Variants in SLC25A40 observed in about 807,000 individuals in gnomAD.
SLC25A40 encodes solute carrier family 25 member 40.
A neutral mutation model predicts 46.5 loss-of-function variants in SLC25A40; 41 were observed. The observed-to-expected ratio is 0.88, with a 90% CI of 0.69 to 1.14. The LOEUF (loss-of-function observed/expected upper bound fraction) is 1.14, where lower values mean the gene tolerates loss of function less well. SLC25A40 is among the 50% of genes most tolerant of loss of function. The pLI is 0.00. For missense variants in SLC25A40, 386 were observed against 393.6 expected (o/e 0.98, Z 0.16); for synonymous variants, 126 against 127.5 (o/e 0.99, Z 0.08).
intron 9 of SLC25A40, chr7:87,841,957 T>G: frequency 2.7e-6 from 1 of 368,456 alleles, no homozygotes; most frequent in Non-Finnish European, 5.2e-6. Flanking sequence ...CAGCTACTAG[T>G]TGCAGAGCCA....
intron 1 of SLC25A40, among the ~76,000 whole-genome samples, chr7:87,873,430 T>C (rs1838924608): frequency 1.1e-5 from 1 of 92,890 alleles, no homozygotes. Flanking sequence ...AAAGGTTAAC[T>C]TTTTTTTTTT....
At chr7:87,846,900 G>T in intron 8 of SLC25A40, 49 bp downstream of exon 8, 2 of 1,446,544 alleles carry the variant, frequency 1.4e-6, no homozygotes, top group South Asian at 2.9e-5. Context: ...ATATTTGAAT[G>T]AGACAAAGCC....
intron 4 of SLC25A40, among the ~76,000 whole-genome samples, chr7:87,854,555 G>A (rs1056927433): frequency 6.6e-6 from 1 of 152,204 alleles, no homozygotes; most frequent in African/African-American, 2.4e-5. Context: ...TTAGGCCGGT[G>A]TAATCCCAGC....
chr7:87,843,760 A>G lies in SLC25A40; in HGVS notation c.735T>C (p.Ser245=), dbSNP rs1166998658. ...AACAAAAGAATAAACTTACAGAACCAGACAATGCCCCTGAAGTAAAGTTGA... is the reference window on the plus strand; with the variant it reads ...AACAAAAGAATAAACTTACAGAACCGGACAATGCCCCTGAAGTAAAGTTGA... ...FMINFTSGAL[S]GSFAAVATLP... is the part of the protein sequence containing the mutation. Residue 245 remains serine, a synonymous_variant, in exon 9 of 12, where the codon TCT becomes TCC. Transcript: ENST00000341119. 6.2e-7 allele frequency: 1 copy of G among 1,602,854 alleles called. No individual in the cohort carries two copies. The highest frequency in any genetic ancestry group is 8.5e-7 in the Non-Finnish European group (1 of 1,171,866).
chr7:87,847,212 T>C (rs1838435292), intron 7 of SLC25A40, 90 bp from the exon 8 acceptor site: 1 of 1,032,010 alleles, frequency 9.7e-7, no homozygotes, highest in Admixed American at 3.0e-5. Context: ...TTCACAGATT[T>C]TATATTTTAA....
chr7:87,855,950 G>A (rs1838607556), intron 4 of SLC25A40, among the ~76,000 whole-genome samples: 1 of 152,140 alleles, frequency 6.6e-6, no homozygotes, highest in Non-Finnish European at 1.5e-5. Context: ...ATAGTTGTAT[G>A]ATGGTCATGA....
At chr7:87,851,910 G>C (rs1384930094) in intron 5 of SLC25A40, among the ~76,000 whole-genome samples, 3 of 152,102 alleles carry the variant, frequency 2.0e-5, no homozygotes, top group Non-Finnish European at 4.4e-5. Context: ...AGGCAAAACA[G>C]AAATAGAAAA....
chr7:87,864,109 T>C (rs1414759703), intron 1 of SLC25A40, among the ~76,000 whole-genome samples: 2 of 152,242 alleles, frequency 1.3e-5, no homozygotes, highest in African/African-American at 4.8e-5. Flanking sequence ...TGTTTCCTTG[T>C]TGGTTTGTTA....
In SLC25A40 at chr7:87,852,246, A is replaced by G. The variant is rs1363959901; in HGVS notation, c.264+1958T>C. 2.0e-5 allele frequency among the ~76,000 whole-genome samples: 3 copies of G among 152,314 alleles called. No individual in the cohort carries two copies. In the South Asian group the frequency reaches 6.2e-4, roughly 32 times the overall value. On this transcript the variant is annotated intron_variant, in intron 5 of 11. Coordinates refer to ENST00000341119, the MANE Select transcript of SLC25A40 (RefSeq NM_018843.4). The stretch of plus-strand genomic sequence containing the variant: ...TATGCTAAGATTTATGTGGAAAGAC[A>G]AAGGAACTTTGGGAATAGCGAAAAC...
At chr7:87,856,237 C>T in intron 4 of SLC25A40, 55 bp downstream of exon 4, 1 of 1,378,830 alleles carries the variant, frequency 7.3e-7, no homozygotes, top group East Asian at 2.4e-5. Flanking sequence ...AAAAAAAAAC[C>T]ACAGGAACAT....
At chr7:87,857,881 TCTTG>T (rs1478335990) in intron 3 of SLC25A40, among the ~76,000 whole-genome samples, 1 of 152,242 alleles carries the variant, frequency 6.6e-6, no homozygotes, top group Non-Finnish European at 1.5e-5. Context: ...ATATTTTTCT[TCTTG>T]CAGATAGCCT....
intron 3 of SLC25A40, 37 bp downstream of exon 3, chr7:87,858,594 C>T (rs967162880): frequency 1.7e-6 from 2 of 1,184,538 alleles, no homozygotes; most frequent in Non-Finnish European, 2.5e-6. Context: ...CTGACTCATT[C>T]AAAGTTACAT....
At chr7:87,858,831 A>G in intron 2 of SLC25A40, 80 bp from the exon 3 acceptor site, 1 of 753,152 alleles carries the variant, frequency 1.3e-6, no homozygotes, top group South Asian at 1.5e-5. Flanking sequence ...AAGCTGGGTG[A>G]GCAGCATCAC....
At chr7:87,869,384 T>C (rs141230715) in intron 1 of SLC25A40, among the ~76,000 whole-genome samples, 1 of 152,072 alleles carries the variant, frequency 6.6e-6, no homozygotes, top group African/African-American at 2.4e-5. Flanking sequence ...AAAAATGAGC[T>C]AGGTGTAGTG....
chr7:87,839,137 G>A (rs915787186), intron 10 of SLC25A40, among the ~76,000 whole-genome samples: 1 of 151,336 alleles, frequency 6.6e-6, no homozygotes, highest in Non-Finnish European at 1.5e-5. Flanking sequence ...TACCATCATG[G>A]CATAAGGTTC....
intron 1 of SLC25A40, among the ~76,000 whole-genome samples, chr7:87,866,342 G>A (rs1233954416): frequency 6.6e-6 from 1 of 151,854 alleles, no homozygotes; most frequent in Admixed American, 6.6e-5. Context: ...TTTTCATTCA[G>A]CCCTTTAAAA....
intron 10 of SLC25A40, among the ~76,000 whole-genome samples, 172 bp downstream of exon 10, chr7:87,841,461 T>C (rs1179352695): frequency 6.6e-6 from 1 of 151,776 alleles, no homozygotes; most frequent in African/African-American, 2.4e-5. Context: ...TTTTTTGTTT[T>C]TGTTTAGTTT....
intron 1 of SLC25A40, among the ~76,000 whole-genome samples, chr7:87,868,855 T>A (rs1023183520): frequency 1.3e-5 from 2 of 152,162 alleles, no homozygotes; most frequent in Non-Finnish European, 2.9e-5. Context: ...GACCTTCAGC[T>A]CCTCTCCTCT....
intron 4 of SLC25A40, among the ~76,000 whole-genome samples, chr7:87,854,675 G>A (rs1838576324): frequency 6.6e-6 from 1 of 151,886 alleles, no homozygotes; most frequent in African/African-American, 2.4e-5. Flanking sequence ...AGCTGGGCGT[G>A]GTGGCGGGCG....
Sources: gnomAD v4.1 joint callset for allele counts (sites outside exome capture counted in the v4.1 genomes callset) on GRCh38, gnomAD v4.1.1 for gene constraint, MANE v1.5 for transcripts, NCBI Gene and HGNC (gene_info 2026-07-23, HGNC 2026-07-21) for gene names.